WEE2: variants seen among roughly 807,000 people sequenced by gnomAD.
WEE2 encodes the protein wee1-like protein kinase 2.
A neutral mutation model predicts 60.1 loss-of-function variants in WEE2; 50 were observed. That is an observed-to-expected ratio of 0.83 (90% CI 0.66 to 1.05). WEE2 has a LOEUF of 1.05. Ranked by LOEUF, WEE2 falls within the 50% of genes least tolerant of loss-of-function variation. The pLI is 0.00. For synonymous variants in WEE2, 240 were observed against 241.0 expected, an observed-to-expected ratio of 1.00 and a Z score of 0.04; for missense variants, 631 against 684.3, an observed-to-expected ratio of 0.92 and a Z score of 0.87.
chr7:141,724,502 T>G (rs1161788681), intron 8 of WEE2, among the ~76,000 whole-genome samples: 4 of 152,250 alleles, frequency 2.6e-5, no homozygotes, highest in Non-Finnish European at 5.9e-5. Context: ...AAATGTCCTT[T>G]ACTGTTTCCC....
Position 141,709,087 on chromosome 7 carries a change from C to T in WEE2, c.329C>T (p.Pro110Leu). The T allele has an allele frequency of 6.2e-7, 1 of 1,612,740 alleles. No individual in the cohort carries two copies. The highest frequency in any genetic ancestry group is 8.5e-7 in the Non-Finnish European group (1 of 1,178,992). ...SRSKLLPSDS[P>L]STPKTMLSRL... is the part of the protein sequence containing the mutation. ...AGCAAGCTGCTGCCCAGTGACAGCC[C>T]CTCTACTCCCAAAGTAAGTAAGGGG... The change falls in exon 1 of 12, where the codon CCC becomes CTC. Residue 110 changes from proline (P) to leucine (L), a missense_variant. Physicochemically the swap from Pro to Leu is moderately conservative, Grantham distance 98. Transcript: ENST00000397541.
intron 7 of WEE2, 45 bp downstream of exon 7, chr7:141,724,093 A>C (rs1161358216): frequency 6.4e-7 from 1 of 1,570,350 alleles, no homozygotes; most frequent in Admixed American, 1.8e-5. Flanking sequence ...ATCCTATAAA[A>C]TTTATAGTGA....
chr7:141,728,039 G>A (rs1799050787), intron 10 of WEE2: 1 of 152,228 alleles, frequency 6.6e-6, no homozygotes, highest in Non-Finnish European at 1.5e-5. Context: ...TCCCAGCGTG[G>A]GGCTCATCGA....
chr7:141,720,661 A>C, intron 4 of WEE2: 2 of 416,924 alleles, frequency 4.8e-6, no homozygotes, highest in Non-Finnish European at 8.6e-6. Flanking sequence ...TAAAAAAAAA[A>C]CAATGGACTT....
At chr7:141,729,440 C>G in intron 10 of WEE2, 91 bp from the exon 11 acceptor site, 1 of 1,552,424 alleles carries the variant, frequency 6.4e-7, no homozygotes, top group Non-Finnish European at 8.9e-7. Context: ...AATACTGAAA[C>G]AAGAAGAAAA....
At position 141,729,641 on chromosome 7, in the gene WEE2, G is replaced by A; in HGVS notation, c.1646G>A (p.Gly549Glu). Residue 549 changes from glycine (G) to glutamate (E), a missense_variant, in exon 11 of 12, where the codon GGA (glycine) becomes GAA (glutamate). Coordinates refer to ENST00000397541, the MANE Select transcript of WEE2 (RefSeq NM_001105558.1). The part of the protein sequence containing the change: ...TGSRSTKRLV[G>E]GKSARSSSFT... The stretch of plus-strand genomic sequence containing the variant: ...TCAAGAAGCACAAAACGCCTGGTGG[G>A]AGGAAAGAGTGCAAGGTCTTCAAGC... 2 of 1,613,908 alleles carry A rather than the reference G, an allele frequency of 1.2e-6. No homozygotes were observed. Among genetic ancestry groups the A allele is most frequent in the Non-Finnish European group, 1.7e-6 (2 of 1,179,968 alleles).
chr7:141,710,736 G>A (rs909087354), intron 1 of WEE2, among the ~76,000 whole-genome samples: 1 of 152,176 alleles, frequency 6.6e-6, no homozygotes, highest in Non-Finnish European at 1.5e-5. Flanking sequence ...TTATGGAGGG[G>A]AAGGAGCTGC....
chr7:141,716,378 C>T, intron 3 of WEE2, 111 bp downstream of exon 3: 2 of 1,054,358 alleles, frequency 1.9e-6, no homozygotes. Context: ...TTCTTCCCTA[C>T]CCTCCCTTTT....
At position 141,723,029 on chromosome 7, in the gene WEE2, G is replaced by A. The variant is rs1181940391; in HGVS notation, c.881-105G>A. 4.9e-6 allele frequency: 7 copies of A among 1,428,002 alleles called. No individual in the cohort carries two copies. In the East Asian group the frequency reaches 6.9e-5, roughly 14 times the overall value. The allele number at this position is 1,428,002 out of a possible 1,614,324, so 88.5% of individuals were successfully genotyped here. On this transcript the variant is annotated intron_variant, in intron 5 of 11. Transcript: ENST00000397541. Reference sequence around the variant, plus strand: ...ATTTGGGGCTTTGATATCTGCAGGAGGTCCTGGAACTAATACCCTGAAGAT... The same window carrying A: ...ATTTGGGGCTTTGATATCTGCAGGAAGTCCTGGAACTAATACCCTGAAGAT...
In WEE2 at chr7:141,709,049, A is replaced by G. The variant is rs749854996; in HGVS notation, c.291A>G (p.Gln97=). The G allele has an allele frequency of 3.1e-6, 5 of 1,614,104 alleles. No individual in the cohort carries two copies. The highest frequency in any genetic ancestry group is 4.2e-6 in the Non-Finnish European group (5 of 1,180,014). ...TCAAATGTCCTGAGACACCAGCCCAACCAGACAGCAGGAGCAAGCTGCTGC... is the reference window on the plus strand; with the variant it reads ...TCAAATGTCCTGAGACACCAGCCCAGCCAGACAGCAGGAGCAAGCTGCTGC... ...HPLKCPETPA[Q]PDSRSKLLPS... Residue 97 remains glutamine (Q), a synonymous_variant, in exon 1 of 12, where the codon CAA becomes CAG. Transcript: ENST00000397541.
intron 1 of WEE2, among the ~76,000 whole-genome samples, chr7:141,712,844 A>G (rs1798730421): frequency 6.6e-6 from 1 of 152,198 alleles, no homozygotes; most frequent in African/African-American, 2.4e-5. Context: ...CAAAAAACGA[A>G]TTCTCAGAAT....
At chr7:141,719,506 A>G (rs866204447) in intron 4 of WEE2, among the ~76,000 whole-genome samples, 1 of 152,196 alleles carries the variant, frequency 6.6e-6, no homozygotes, top group Non-Finnish European at 1.5e-5. Flanking sequence ...GCTAGAGTGC[A>G]GTGGTGTGAT....
Position 141,709,118 on chromosome 7 carries a change from G to GA in WEE2, c.342+23dup. 6.2e-7 allele frequency: 1 copy of GA among 1,601,834 alleles called. No homozygotes were observed. Among genetic ancestry groups the GA allele is most frequent in the East Asian group, 2.2e-5 (1 of 44,758 alleles). On this transcript the variant is annotated intron_variant, in intron 1 of 11. Transcript: ENST00000397541. The stretch of plus-strand genomic sequence containing the variant: ...CTCCCAAAGTAAGTAAGGGGTGGGG[G>GA]AAAAAGGGACGCAGGTCGCCAAGCT...
chr7:141,730,086 A>G (rs1030635061), intron 11 of WEE2, among the ~76,000 whole-genome samples: 2 of 152,138 alleles, frequency 1.3e-5, no homozygotes, highest in African/African-American at 2.4e-5. Flanking sequence ...TTCCTCTTAT[A>G]AAATGAAAAA....
At chr7:141,719,810 T>A (rs1323365557) in intron 4 of WEE2, among the ~76,000 whole-genome samples, 3 of 152,230 alleles carry the variant, frequency 2.0e-5, no homozygotes, top group Non-Finnish European at 4.4e-5. Context: ...CTACTGCTGG[T>A]CTTTCTGACT....
Position 141,713,306 on chromosome 7 carries a change from T to A in WEE2, c.343-903T>A, listed in dbSNP as rs17162423. 7.3e-3 allele frequency among the ~76,000 whole-genome samples: 1,114 copies of A among 152,292 alleles called. 7 individuals are homozygous for A. The highest frequency in any genetic ancestry group is 0.013 in the Non-Finnish European group (861 of 68,012). On this transcript the variant is annotated intron_variant, in intron 1 of 11. Transcript: ENST00000397541. ...AGAAAGAGCCTCACAGTGCAATGCT[T>A]ATACTGTGGCCCCTGTGTGTGCTGC... is the stretch of plus-strand genomic sequence containing the variant.
At position 141,730,316 on chromosome 7, in the gene WEE2, A is replaced by G. The variant is rs1799116321; in HGVS notation, c.1700A>G (p.His567Arg). The change falls in exon 12 of 12, where the codon CAT becomes CGT. Residue 567 changes from histidine (H) to arginine (R), a missense_variant. Physicochemically the swap from His to Arg is conservative, Grantham distance 29. Transcript: ENST00000397541. ...SFTSGEREPL[H>R] is the part of the protein sequence containing the mutation. The stretch of plus-strand genomic sequence containing the variant: ...ACAGCAGGAGAGCGTGAGCCTCTGC[A>G]TTAAAGGAAGAAAAGGAAAACAGCC... 6.2e-7 allele frequency: 1 copy of G among 1,613,418 alleles called. No homozygotes were observed. Among genetic ancestry groups the G allele is most frequent in the African/African-American group, 1.3e-5 (1 of 75,016 alleles).
Position 141,711,448 on chromosome 7 carries a change from G to C in WEE2, c.342+2348G>C, listed in dbSNP as rs1441575447. ...GTTAGAGGAAAGAGGCTTGATGGCT[G>C]ATCATTGTTATGCAGAAGACAAAGC... On this transcript the variant is annotated intron_variant, in intron 1 of 11. Coordinates refer to ENST00000397541, the MANE Select transcript of WEE2 (RefSeq NM_001105558.1). The surrounding 1 kb of genome is among the most constrained non-coding windows in gnomAD (Gnocchi z 4.2). Among the ~76,000 whole-genome samples the C allele has an allele frequency of 6.6e-6, 1 of 152,164 alleles. No individual in the cohort carries two copies. The highest frequency in any genetic ancestry group is 6.5e-5 in the Admixed American group (1 of 15,278).
At chr7:141,719,273 A>G (rs1798861909) in intron 4 of WEE2, 29 bp downstream of exon 4, 12 of 1,543,262 alleles carry the variant, frequency 7.8e-6, no homozygotes, top group Non-Finnish European at 9.7e-6. Context: ...CACTAAAAAT[A>G]TAAACTTAGA....
Sources: allele counts gnomAD v4.1 joint callset (sites outside exome capture counted in the v4.1 genomes callset), GRCh38; gene constraint gnomAD v4.1.1; non-coding constraint Gnocchi (gnomAD v3.1); transcripts MANE v1.5; gene names NCBI Gene and HGNC (gene_info 2026-07-23, HGNC 2026-07-21).